Variants in DMXL1 observed in about 807,000 individuals in gnomAD.
DMXL1 encodes the protein dmX-like protein 1.
DMXL1 carries 99 observed loss-of-function variants against 319.2 expected under a neutral mutation model. That is an observed-to-expected ratio of 0.31 (90% CI 0.26 to 0.37). The LOEUF (loss-of-function observed/expected upper bound fraction) is 0.37, where lower values mean the gene tolerates loss of function less well. Ranked by LOEUF, DMXL1 falls within the 10% of genes least tolerant of loss-of-function variation. The pLI is 1.00. For missense variants in DMXL1, 3,745 were observed against 3,595.6 expected, an observed-to-expected ratio of 1.04 and a Z score of -1.06; for synonymous variants, 1,385 against 1,235.2, an observed-to-expected ratio of 1.12 and a Z score of -2.54.
chr5:119,110,721 T>G (rs1167814603), intron 5 of DMXL1, among the ~76,000 whole-genome samples: 3 of 152,148 alleles, frequency 2.0e-5, no homozygotes, highest in Non-Finnish European at 2.9e-5. Context: ...TCAGAGAAAT[T>G]CTGAAAGAAA....
At chr5:119,105,737 A>G (rs1266240407) in intron 4 of DMXL1, among the ~76,000 whole-genome samples, 2 of 152,060 alleles carry the variant, frequency 1.3e-5, no homozygotes, top group Middle Eastern at 3.2e-3. Context: ...CTCTACTAAA[A>G]ATACAAAAAA....
rs1193106780 is a variant in DMXL1 at position 119,150,409 on chromosome 5, G to A, written c.4582G>A (p.Asp1528Asn). The A allele has an allele frequency of 2.5e-6, 4 of 1,609,460 alleles. No homozygotes were observed. Among genetic ancestry groups the A allele is most frequent in the African/African-American group, 2.7e-5 (2 of 74,588 alleles). ...AAGCACTGATATTGGAGAAAGCCGAGACAGAAGCCAAGGTAAAACTAAACT... is the reference window on the plus strand; with the variant it reads ...AAGCACTGATATTGGAGAAAGCCGAAACAGAAGCCAAGGTAAAACTAAACT... ...TTSTDIGESRDRSQGGETLDE... is the reference protein window; with the variant it reads ...TTSTDIGESRNRSQGGETLDE... Residue 1528 changes from aspartate (D) to asparagine (N), a missense_variant, in exon 18 of 44, where the codon GAC (aspartate) becomes AAC (asparagine). Coordinates refer to ENST00000539542, the MANE Select transcript of DMXL1 (RefSeq NM_001290321.3).
intron 38 of DMXL1, among the ~76,000 whole-genome samples, chr5:119,232,854 C>A (rs1371396635): frequency 6.6e-6 from 1 of 150,974 alleles, no homozygotes; most frequent in Non-Finnish European, 1.5e-5. Context: ...AAACAGATAA[C>A]ATATATTTGA....
rs1769139251 is a variant in DMXL1, at chr5:119,148,769, C to T, written c.2942C>T (p.Ala981Val). 1.2e-6 allele frequency: 2 copies of T among 1,613,248 alleles called. No homozygotes were observed. Among genetic ancestry groups the T allele is most frequent in the South Asian group, 1.1e-5 (1 of 91,036 alleles). The change falls in exon 18 of 44, where the codon GCA becomes GTA. Residue 981 changes from alanine to valine, a missense_variant. Physicochemically the swap from Ala to Val is moderately conservative, Grantham distance 64. Coordinates refer to ENST00000539542, the MANE Select transcript of DMXL1 (RefSeq NM_001290321.3). ...CTGAGTTCATCTTCTATATATCCTG[C>T]ATGCAGTGCTCCTTATTTATTGGCA... ...GHLSSSSIYP[A>V]CSAPYLLATS...
At position 119,071,455 on chromosome 5, in the gene DMXL1, T is replaced by G. The variant is rs1304145852; in HGVS notation, c.-115T>G. Reference sequence around the variant, plus strand: ...CCGGCTCCAGGCGCCTGTCGCTGCTTCTGCCGTCGCCACCGAAGAGCGGCC... The same window carrying G: ...CCGGCTCCAGGCGCCTGTCGCTGCTGCTGCCGTCGCCACCGAAGAGCGGCC... On this transcript the variant is annotated 5_prime_UTR_variant, in exon 1 of 44. Coordinates refer to ENST00000539542, the MANE Select transcript of DMXL1 (RefSeq NM_001290321.3). 9.5e-7 allele frequency: 1 copy of G among 1,049,060 alleles called. No homozygotes were observed. Among genetic ancestry groups the G allele is most frequent in the Non-Finnish European group, 1.4e-6 (1 of 700,768 alleles). 65.0% of individuals were successfully genotyped at this position (1,049,060 alleles called of 1,614,324 possible). A position where few individuals can be genotyped will look rare whatever the true frequency, so the allele number is the denominator to read the frequency against.
intron 28 of DMXL1, among the ~76,000 whole-genome samples, chr5:119,179,395 C>T (rs1776405652): frequency 6.6e-6 from 1 of 151,082 alleles, no homozygotes; most frequent in Non-Finnish European, 1.5e-5. Context: ...CACTTCTTCC[C>T]TGACGTTTAC....
chr5:119,235,065 C>G (rs1787493026), intron 39 of DMXL1, among the ~76,000 whole-genome samples: 1 of 152,034 alleles, frequency 6.6e-6, no homozygotes, highest in Non-Finnish European at 1.5e-5. Flanking sequence ...ATAGCACAGC[C>G]CCTAAGCATG....
intron 32 of DMXL1, among the ~76,000 whole-genome samples, chr5:119,199,636 C>T (rs577606142): frequency 3.9e-5 from 6 of 152,290 alleles, no homozygotes; most frequent in African/African-American, 1.2e-4. Context: ...TTTGAGGAAT[C>T]GCCATACTGC....
intron 1 of DMXL1, among the ~76,000 whole-genome samples, chr5:119,089,971 G>T (rs1435770662): frequency 1.1e-5 from 1 of 91,980 alleles, no homozygotes; most frequent in Non-Finnish European, 2.2e-5. Flanking sequence ...ACCTTTGAGA[G>T]TTTGATTATT....
intron 9 of DMXL1, among the ~76,000 whole-genome samples, chr5:119,123,374 G>GGAGAGGAGGGAGAGA (rs1762705310): frequency 1.0e-5 from 1 of 99,854 alleles, no homozygotes; most frequent in African/African-American, 3.8e-5. Flanking sequence ...GGAGGGAGAG[G>GGAGAGGAGGGAGAGA]GAGAGGGAGA....
chr5:119,235,552 A>G lies in DMXL1; in HGVS notation c.8467-1770A>G, dbSNP rs78949674. 7.9e-3 allele frequency among the ~76,000 whole-genome samples: 1,207 copies of G among 152,236 alleles called. 28 individuals carry two copies. The highest frequency in any genetic ancestry group is 0.048 in the East Asian group (246 of 5,178). ...AAAAATGGAGGAAAAACAATATTCAAAGGAATAATAGATACTTCCCCAAAG... is the reference window on the plus strand; with the variant it reads ...AAAAATGGAGGAAAAACAATATTCAGAGGAATAATAGATACTTCCCCAAAG... On this transcript the variant is annotated intron_variant, in intron 39 of 43. Transcript: ENST00000539542.
chr5:119,118,713 T>G, intron 7 of DMXL1, 102 bp from the exon 8 acceptor site: 1 of 837,878 alleles, frequency 1.2e-6, no homozygotes, highest in Admixed American at 2.6e-5. Flanking sequence ...TCTTCATTGG[T>G]ACCTTAGTTG....
chr5:119,205,032 G>A (rs571560912), intron 33 of DMXL1, among the ~76,000 whole-genome samples: 2 of 151,986 alleles, frequency 1.3e-5, no homozygotes, highest in African/African-American at 4.8e-5. Flanking sequence ...TATTCAAATC[G>A]ACCAAGTCAG....
intron 3 of DMXL1, among the ~76,000 whole-genome samples, chr5:119,102,890 CA>C (rs1757560009): frequency 6.6e-6 from 1 of 152,054 alleles, no homozygotes; most frequent in Admixed American, 6.6e-5. Flanking sequence ...AAATTATGAA[CA>C]CAAGGAAACA....
rs1220101256 is a variant in DMXL1, at chr5:119,247,093, T to C, written c.9021T>C (p.Ile3007=). The C allele has an allele frequency of 1.2e-6, 2 of 1,613,946 alleles. No individual in the cohort carries two copies. The highest frequency in any genetic ancestry group is 1.7e-6 in the Non-Finnish European group (2 of 1,179,996). ...ATATTGGAACTGGAGTGATGCAAAT[T>C]GAGACAGGGCCTGCAAATCACATTT... ...FRNIGTGVMQ[I]ETGPANHIFS... Residue 3007 remains isoleucine, a synonymous_variant, in exon 44 of 44, where the codon ATT becomes ATC. Transcript: ENST00000539542.
chr5:119,116,258 A>G lies in DMXL1; in HGVS notation c.665A>G (p.Asp222Gly). The change falls in exon 7 of 44, where the codon GAC becomes GGC. Residue 222 changes from aspartate to glycine, a missense_variant. This residue lies in a region of DMXL1 where 2,096 missense variants were observed against 1,985.4 expected (regional missense o/e 1.06). Transcript: ENST00000539542. ...SSEKQSQGEI[D>G]FSFVYLAHPR... is the part of the protein sequence containing the mutation. The stretch of plus-strand genomic sequence containing the variant: ...GAAAAACAATCCCAAGGAGAAATTG[A>G]CTTTTCTTTTGTGTATCTGGCCCAT... 1.2e-6 allele frequency: 2 copies of G among 1,613,984 alleles called. No individual in the cohort carries two copies. Among genetic ancestry groups the G allele is most frequent in the Non-Finnish European group, 1.7e-6 (2 of 1,179,976 alleles).
At chr5:119,211,955 A>G (rs990365206) in intron 34 of DMXL1, among the ~76,000 whole-genome samples, 97 of 152,142 alleles carry the variant, frequency 6.4e-4, no homozygotes, top group African/African-American at 2.1e-3. Context: ...GTGTTAATCT[A>G]TTGTAACTAT....
At chr5:119,229,701 G>A (rs1786303460) in intron 38 of DMXL1, among the ~76,000 whole-genome samples, 3 of 152,076 alleles carry the variant, frequency 2.0e-5, no homozygotes, top group South Asian at 2.1e-4. Flanking sequence ...TCTATTTTCA[G>A]TAGTTTTAAT....
At position 119,171,188 on chromosome 5, in the gene DMXL1, T is replaced by C; in HGVS notation, c.6397T>C (p.Phe2133Leu). 2 of 1,613,990 alleles carry C rather than the reference T, an allele frequency of 1.2e-6. No individual in the cohort carries two copies. The highest frequency in any genetic ancestry group is 1.7e-6 in the Non-Finnish European group (2 of 1,179,876). Reference sequence around the variant, plus strand: ...GAAGTATCAGTCACTTTTGAGAATGTTTCTTAGTTACTGCATACTTCATGG... The same window carrying C: ...GAAGTATCAGTCACTTTTGAGAATGCTTCTTAGTTACTGCATACTTCATGG... ...LLKYQSLLRM[F>L]LSYCILHGSH... The change falls in exon 24 of 44, where the codon TTT becomes CTT. Residue 2133 changes from phenylalanine (F) to leucine (L), a missense_variant. By Grantham distance (22) the Phe-to-Leu change is conservative (BLOSUM62 0). Transcript: ENST00000539542.
Sources: allele counts gnomAD v4.1 joint callset (sites outside exome capture counted in the v4.1 genomes callset), GRCh38; gene constraint gnomAD v4.1.1; regional missense constraint gnomAD v4.1.1; transcripts MANE v1.5; gene names NCBI Gene and HGNC (gene_info 2026-07-23, HGNC 2026-07-21).